STYXL1: variants seen among roughly 807,000 people sequenced by gnomAD.
The protein encoded by STYXL1 is serine/threonine/tyrosine interacting like 1, also known as serine/threonine/tyrosine-interacting-like protein 1.
In STYXL1, 32 loss-of-function variants were observed where a neutral mutation model predicts 36.4. The observed-to-expected ratio is 0.88, with a 90% confidence interval of 0.66 to 1.18. STYXL1 has a LOEUF of 1.18. Among genes scored for constraint, STYXL1 ranks in the 50% most tolerant of loss-of-function variants. STYXL1 has a pLI of 0.00. For synonymous variants in STYXL1, 133 were observed against 144.1 expected, an observed-to-expected ratio of 0.92 and a Z score of 0.55; for missense variants, 354 against 394.1, an observed-to-expected ratio of 0.90 and a Z score of 0.86.
At chr7:76,003,998 C>T in intron 6 of STYXL1, 143 bp from the exon 7 acceptor site, 1 of 678,762 alleles carries the variant, frequency 1.5e-6, no homozygotes, top group Non-Finnish European at 2.5e-6. Context: ...CTCAACCTCT[C>T]CTGGAAAAAA....
At position 76,021,935 on chromosome 7, in the gene STYXL1, C is replaced by A; in HGVS notation, c.223G>T (p.Val75Leu). The A allele has an allele frequency of 6.2e-7, 1 of 1,613,436 alleles. No homozygotes were observed. Among genetic ancestry groups the A allele is most frequent in the Non-Finnish European group, 8.5e-7 (1 of 1,180,008 alleles). The change falls in exon 4 of 9, where the codon GTG becomes TTG. Residue 75 changes from valine to leucine, a missense_variant. By Grantham distance (32) the Val-to-Leu change is conservative. Coordinates refer to ENST00000359697, the MANE Select transcript of STYXL1 (RefSeq NM_001317785.2). ...GTGCTGCTGTTGTTATCATACACCA[C>A]GCAGTACTTCACACACTCCAGGTCC... ...SVDLECVKYCVVYDNNSSTLE... is the reference protein window; with the variant it reads ...SVDLECVKYCLVYDNNSSTLE...
At chr7:75,999,509 GTA>G (rs1308689303) in intron 8 of STYXL1, among the ~76,000 whole-genome samples, 3,874 of 101,974 alleles carry the variant, frequency 0.038, 84 homozygotes, top group Non-Finnish European at 0.056. Flanking sequence ...GTGTGTGTGT[GTA>G]TGTGTGTGTG....
At chr7:76,042,390 C>CTTTTTTTTTTTTTTTTTTTTTTT (rs528469396) in intron 1 of STYXL1, among the ~76,000 whole-genome samples, 1 of 41,836 alleles carries the variant, frequency 2.4e-5, no homozygotes, top group Non-Finnish European at 5.3e-5. Context: ...CCCTTATGTG[C>CTTTTTTTTTTTTTTTTTTTTTTT]TTTTTTTTTT....
chr7:76,004,256 G>A (rs1317437211), intron 6 of STYXL1, among the ~76,000 whole-genome samples: 2 of 152,062 alleles, frequency 1.3e-5, no homozygotes, highest in African/African-American at 4.8e-5. Context: ...ACCACAACCG[G>A]CTAATGTTTA....
chr7:76,036,356 C>T (rs1269489779), intron 1 of STYXL1, among the ~76,000 whole-genome samples: 2 of 150,082 alleles, frequency 1.3e-5, no homozygotes, highest in Non-Finnish European at 1.5e-5. Context: ...CTGCCTTGGC[C>T]TCCCAAAGTG....
At chr7:76,007,061 C>T (rs1791868845) in intron 5 of STYXL1, among the ~76,000 whole-genome samples, 1 of 152,082 alleles carries the variant, frequency 6.6e-6, no homozygotes, top group South Asian at 2.1e-4. Flanking sequence ...CTAAACGATA[C>T]AGTATAACAA....
chr7:76,001,031 T>C lies in STYXL1; in HGVS notation c.698-29A>G, dbSNP rs1554567025. The C allele has an allele frequency of 1.9e-6, 3 of 1,564,202 alleles. No individual in the cohort carries two copies. The Admixed American group carries it at 5.0e-5, about 26-fold the overall frequency. ...CAAAAAGAAGTGGGGGGTTGGGTCA[T>C]GCCTGGCCCTCCTCCCTGTGGGCCT... On this transcript the variant is annotated intron_variant, in intron 7 of 8. Transcript: ENST00000359697.
chr7:76,018,937 T>C (rs574297812), intron 4 of STYXL1, among the ~76,000 whole-genome samples: 1 of 152,340 alleles, frequency 6.6e-6, no homozygotes, highest in South Asian at 2.1e-4. Flanking sequence ...TACTTTCTGG[T>C]TCGCAGTGTA....
intron 2 of STYXL1, 145 bp downstream of exon 2, chr7:76,030,276 G>T: frequency 1.6e-6 from 1 of 631,218 alleles, no homozygotes; most frequent in Non-Finnish European, 2.9e-6. Context: ...TGGGATTACA[G>T]GCGTGTGCCA....
chr7:76,013,765 G>C lies in STYXL1; in HGVS notation c.430C>G (p.Gln144Glu). The C allele has an allele frequency of 4.3e-6, 7 of 1,613,946 alleles. No individual in the cohort carries two copies. Among genetic ancestry groups the C allele is most frequent in the Non-Finnish European group, 5.1e-6 (6 of 1,179,944 alleles). Residue 144 changes from glutamine (Q) to glutamate (E), a missense_variant, in exon 5 of 9, where the codon CAG becomes GAG. Coordinates refer to ENST00000359697, the MANE Select transcript of STYXL1 (RefSeq NM_001317785.2). ...FSGTYHFLRT[Q>E]KIIWMPQELD... ...ACCTGAGGCATCCAGATGATCTTCTGGGTCCGGAGAAAGTGGTACGTGCCT... is the reference window on the plus strand; with the variant it reads ...ACCTGAGGCATCCAGATGATCTTCTCGGTCCGGAGAAAGTGGTACGTGCCT...
intron 1 of STYXL1, chr7:76,043,980 G>A (rs1279903790): frequency 6.6e-6 from 1 of 152,222 alleles, no homozygotes; most frequent in Non-Finnish European, 1.5e-5. Context: ...GCTGCTGCAT[G>A]ATTGAATTCT....
chr7:76,027,919 C>G (rs1480166338), intron 3 of STYXL1, among the ~76,000 whole-genome samples: 1 of 152,096 alleles, frequency 6.6e-6, no homozygotes, highest in Non-Finnish European at 1.5e-5. Context: ...GCCTGGGCAA[C>G]ACAGTGCAAC....
At chr7:76,034,995 A>C (rs1368964751) in intron 1 of STYXL1, among the ~76,000 whole-genome samples, 1 of 130,600 alleles carries the variant, frequency 7.7e-6, no homozygotes, top group African/African-American at 2.6e-5. Context: ...GCCGAAATAC[A>C]ACTTCAATGC....
rs2302436 is a variant in STYXL1, at chr7:76,047,670, A to T, written c.-13T>A. Reference sequence around the variant, plus strand: ...AGCCTCCCTGACCCTACCTTTCCGGAGCTCAGAGTCCCCTCTGGCCTCCAA... The same window carrying T: ...AGCCTCCCTGACCCTACCTTTCCGGTGCTCAGAGTCCCCTCTGGCCTCCAA... On this transcript the variant is annotated 5_prime_UTR_variant, in exon 1 of 9. Coordinates refer to ENST00000359697, the MANE Select transcript of STYXL1 (RefSeq NM_001317785.2). 0.55 allele frequency: 97,923 copies of T among 178,078 alleles called. 30,207 individuals are homozygous for T. The highest frequency in any genetic ancestry group is 0.7 in the Non-Finnish European group (57,508 of 82,154). 11.0% of individuals were successfully genotyped at this position (178,078 alleles called of 1,614,324 possible).
intron 8 of STYXL1, among the ~76,000 whole-genome samples, chr7:75,997,167 C>T (rs1252212751): frequency 6.6e-6 from 1 of 151,634 alleles, no homozygotes; most frequent in South Asian, 2.1e-4. Flanking sequence ...CACAGTGGCT[C>T]ATGCCTGTAA....
At chr7:76,016,371 T>C (rs1554573874) in intron 4 of STYXL1, among the ~76,000 whole-genome samples, 5 of 148,876 alleles carry the variant, frequency 3.4e-5, no homozygotes, top group African/African-American at 1.3e-4. Context: ...TGTGTGCACA[T>C]ATATAGCGTA....
intron 1 of STYXL1, among the ~76,000 whole-genome samples, chr7:76,032,392 C>G (rs1795460124): frequency 1.3e-5 from 1 of 75,648 alleles, no homozygotes; most frequent in African/African-American, 5.1e-5. Context: ...GAGTGAGACC[C>G]TGTCTTGAAA....
chr7:76,012,144 G>T (rs1257034354), intron 5 of STYXL1, among the ~76,000 whole-genome samples: 1 of 152,100 alleles, frequency 6.6e-6, no homozygotes, highest in African/African-American at 2.4e-5. Flanking sequence ...TACTAAAAAA[G>T]AATTATAATA....
chr7:76,016,044 A>G (rs1378813044), intron 4 of STYXL1, among the ~76,000 whole-genome samples: 1 of 152,112 alleles, frequency 6.6e-6, no homozygotes, highest in Non-Finnish European at 1.5e-5. Flanking sequence ...CCTTGTGATC[A>G]CACGAGTTAA....
Sources: allele counts gnomAD v4.1 joint callset (sites outside exome capture counted in the v4.1 genomes callset), GRCh38; gene constraint gnomAD v4.1.1; transcripts MANE v1.5; gene names NCBI Gene and HGNC (gene_info 2026-07-23, HGNC 2026-07-21).